Variants in SEC63 observed in about 807,000 individuals in gnomAD.
SEC63 encodes SEC63 protein translocation regulator, also known as translocation protein SEC63 homolog.
Under a neutral mutation model 116.2 loss-of-function variants are expected in SEC63, and 56 were observed. The ratio of observed to expected loss-of-function variants is 0.48; its 90% CI spans 0.39 to 0.60. The LOEUF is 0.60. SEC63 is among the 20% of genes least tolerant of loss of function. The probability of loss-of-function intolerance (pLI) is 0.00; values close to 1 mark genes in which losing one functional copy is unlikely to be tolerated. For missense variants in SEC63, 668 were observed against 900.0 expected, an observed-to-expected ratio of 0.74 and a Z score of 3.30; for synonymous variants, 273 against 294.6, an observed-to-expected ratio of 0.93 and a Z score of 0.75.
intron 8 of SEC63, 81 bp from the exon 9 acceptor site, chr6:107,906,858 A>C (rs1787159818): frequency 1.1e-5 from 11 of 1,034,342 alleles, no homozygotes; most frequent in Non-Finnish European, 1.7e-5. Context: ...AATTCACTTG[A>C]AAGTGAAGCA....
At chr6:107,926,797 C>G (rs1245047578) in intron 2 of SEC63, among the ~76,000 whole-genome samples, 1 of 152,020 alleles carries the variant, frequency 6.6e-6, no homozygotes, top group Admixed American at 6.6e-5. Context: ...ATATGCTAAA[C>G]CGTATGTTTT....
intron 1 of SEC63, chr6:107,931,912 T>C (rs1787820507): frequency 6.6e-6 from 1 of 152,574 alleles, no homozygotes; most frequent in Non-Finnish European, 1.5e-5. Flanking sequence ...CCACACAAAA[T>C]AAGACTTGCC....
At chr6:107,933,745 T>C (rs1263872390) in intron 1 of SEC63, among the ~76,000 whole-genome samples, 1 of 140,896 alleles carries the variant, frequency 7.1e-6, no homozygotes, top group Non-Finnish European at 1.5e-5. Context: ...TCTCCCTCTC[T>C]TTCCACGGTC....
rs1230729520 is a variant in SEC63 at position 107,869,949 on chromosome 6, A to G, written c.*1755T>C. 1 of 151,984 alleles carries G rather than the reference A, an allele frequency of 6.6e-6. No homozygotes were observed. Among genetic ancestry groups the G allele is most frequent in the African/African-American group, 2.4e-5 (1 of 41,374 alleles). 9.4% of individuals were successfully genotyped at this position (151,984 alleles called of 1,614,324 possible). A position where few individuals can be genotyped will look rare whatever the true frequency, so the allele number is the denominator to read the frequency against. ...TGAAATCTTTCAAGAAAACTAGGAA[A>G]TATGCATTCTACACATTGTTCTGTC... is the stretch of plus-strand genomic sequence containing the variant. On this transcript the variant is annotated 3_prime_UTR_variant, in exon 21 of 21. Transcript: ENST00000369002.
chr6:107,883,837 C>T (rs1297147902), intron 16 of SEC63, among the ~76,000 whole-genome samples: 1 of 151,544 alleles, frequency 6.6e-6, no homozygotes, highest in African/African-American at 2.4e-5. Flanking sequence ...AAAAGTACTC[C>T]TTTGGAAGTA....
rs746209701 is a variant in SEC63, at chr6:107,893,881, TC to T, written c.1456del (p.Glu486SerfsTer47). On this transcript the variant is annotated frameshift_variant, in exon 15 of 21. Transcript: ENST00000369002. LOFTEE classifies it high-confidence loss of function. Reference sequence around the variant, plus strand: ...TTCCTCTGCAGCACAGATGGACTGCTCCTTTTCAAATACTTCCTGGGGGGCG... The same window carrying T: ...TTCCTCTGCAGCACAGATGGACTGCTCTTTTCAAATACTTCCTGGGGGGCG... ...RQTMAEVFEK[E>X]QSICAAEEQP... 1 of 1,614,142 alleles carries T rather than the reference TC, an allele frequency of 6.2e-7. No individual in the cohort carries two copies. Among genetic ancestry groups the T allele is most frequent in the Non-Finnish European group, 8.5e-7 (1 of 1,180,010 alleles).
chr6:107,925,752 C>CA (rs965727932), intron 2 of SEC63, among the ~76,000 whole-genome samples: 10 of 152,166 alleles, frequency 6.6e-5, no homozygotes, highest in Non-Finnish European at 1.3e-4. Flanking sequence ...CATTTCACTT[C>CA]AAATAATTTG....
intron 1 of SEC63, among the ~76,000 whole-genome samples, chr6:107,939,823 A>C (rs1189586803): frequency 6.6e-6 from 1 of 152,240 alleles, no homozygotes; most frequent in African/African-American, 2.4e-5. Context: ...TGTTTGCCAG[A>C]ATGTTTCAGA....
chr6:107,952,444 A>C (rs916686209), intron 1 of SEC63, among the ~76,000 whole-genome samples: 2 of 152,162 alleles, frequency 1.3e-5, no homozygotes, highest in African/African-American at 4.8e-5. Flanking sequence ...AAAACACACA[A>C]AAAAAAACCT....
intron 1 of SEC63, among the ~76,000 whole-genome samples, chr6:107,942,972 G>C (rs1485047566): frequency 3.3e-5 from 5 of 152,132 alleles, no homozygotes; most frequent in Non-Finnish European, 7.3e-5. Flanking sequence ...GGAGCACTTA[G>C]AGCATCACTA....
chr6:107,944,279 T>TGGAGG (rs1055891490), intron 1 of SEC63, among the ~76,000 whole-genome samples: 30 of 152,114 alleles, frequency 2.0e-4, no homozygotes, highest in African/African-American at 7.0e-4. Context: ...TCAAGAAGGT[T>TGGAGG]GGAGGGGAGG....
At chr6:107,910,879 TCTGA>T (rs770776150) in intron 7 of SEC63, among the ~76,000 whole-genome samples, 2 of 151,826 alleles carry the variant, frequency 1.3e-5, no homozygotes, top group Non-Finnish European at 2.9e-5. Context: ...AACCAGCATG[TCTGA>T]CTAATTTTGT....
In SEC63 at chr6:107,906,580, G is replaced by C. The variant is rs765218798; in HGVS notation, c.829C>G (p.Leu277Val). The C allele has an allele frequency of 1.9e-6, 3 of 1,611,698 alleles. No individual in the cohort carries two copies. The highest frequency in any genetic ancestry group is 2.5e-6 in the Non-Finnish European group (3 of 1,178,164). ...TTAATGCTGCCAATTTCTCTGATTA[G>C]CTAGAATAAATAAAATAATTATTCA... ...RPTDNILIPQLIREIGSINLK... is the reference protein window; with the variant it reads ...RPTDNILIPQVIREIGSINLK... Residue 277 changes from leucine to valine, a missense_variant and splice_region_variant, in exon 10 of 21, where the codon CTA (leucine) becomes GTA (valine). Around this residue, in one of 5 missense-constraint regions of SEC63, gnomAD observed 430 missense variants for 557.5 expected, o/e 0.77. Coordinates refer to ENST00000369002, the MANE Select transcript of SEC63 (RefSeq NM_007214.5).
At position 107,930,173 on chromosome 6, in the gene SEC63, C is replaced by CTTTTTTTTTTTTTTTT. The variant is rs1206634310; in HGVS notation, c.125-675_125-660dup. Reference sequence around the variant, plus strand: ...ATGACACGCAAATTTGCAAAGTATTCTTTTTTTTTTTTTTTTTTTTTTTTG... The same window carrying CTTTTTTTTTTTTTTTT: ...ATGACACGCAAATTTGCAAAGTATTCTTTTTTTTTTTTTTTTTTTTTTTTTTTTTTTTTTTTTTTTG... On this transcript the variant is annotated intron_variant, in intron 1 of 20. Coordinates refer to ENST00000369002, the MANE Select transcript of SEC63 (RefSeq NM_007214.5). The CTTTTTTTTTTTTTTTT allele has an allele frequency of 2.2e-5, 2 of 89,292 alleles. 1 individual carries two copies. Among genetic ancestry groups the CTTTTTTTTTTTTTTTT allele is most frequent in the African/African-American group, 8.9e-5 (2 of 22,552 alleles). 5.5% of individuals were successfully genotyped at this position (89,292 alleles called of 1,614,324 possible).
At position 107,949,724 on chromosome 6, in the gene SEC63, G is replaced by A. The variant is rs143491197; in HGVS notation, c.124+8162C>T. ...AGCTCACTGCAGCCTCGATCTCCTG[G>A]GCTCAAGTGATCCTCCTGCTTCAGC... On this transcript the variant is annotated intron_variant, in intron 1 of 20. Transcript: ENST00000369002. Among the ~76,000 whole-genome samples the A allele has an allele frequency of 4.1e-3, 619 of 152,238 alleles. 4 individuals are homozygous for A. Among genetic ancestry groups the A allele is most frequent in the African/African-American group, 0.014 (580 of 41,532 alleles).
At chr6:107,931,210 C>T (rs562922822) in intron 1 of SEC63, among the ~76,000 whole-genome samples, 5 of 150,938 alleles carry the variant, frequency 3.3e-5, no homozygotes, top group South Asian at 2.1e-4. Context: ...GGTGTGGTGG[C>T]GCGTGCCTGT....
rs539789959 is a variant in SEC63, at chr6:107,935,210, A to G, written c.125-5696T>C. Reference sequence around the variant, plus strand: ...GCCCGGCCAGCCGCCCGTCTGGGAGATGAGGGGCGCCTCTGCCCGGCCGCC... The same window carrying G: ...GCCCGGCCAGCCGCCCGTCTGGGAGGTGAGGGGCGCCTCTGCCCGGCCGCC... On this transcript the variant is annotated intron_variant, in intron 1 of 20. Coordinates refer to ENST00000369002, the MANE Select transcript of SEC63 (RefSeq NM_007214.5). Among the ~76,000 whole-genome samples, 1,268 of 143,774 alleles carry G rather than the reference A, an allele frequency of 8.8e-3. 26 individuals carry two copies. The highest frequency in any genetic ancestry group is 0.025 in the African/African-American group (979 of 38,626). The allele number at this position is 143,774 out of a possible 152,430, so 94.3% of individuals were successfully genotyped here.
At chr6:107,889,368 T>C (rs1786617494) in intron 16 of SEC63, among the ~76,000 whole-genome samples, 1 of 152,190 alleles carries the variant, frequency 6.6e-6, no homozygotes, top group Non-Finnish European at 1.5e-5. Context: ...GATTTTCTAG[T>C]TTATTTATGT....
rs537045287 is a variant in SEC63, at chr6:107,923,175, GCT to G, written c.340-1268_340-1267del. Among the ~76,000 whole-genome samples the G allele has an allele frequency of 2.5e-3, 374 of 151,794 alleles. 2 individuals carry two copies. Among genetic ancestry groups the G allele is most frequent in the African/African-American group, 7.3e-3 (303 of 41,408 alleles). Reference sequence around the variant, plus strand: ...AAGATTTTTTTTTTGAGACAGTCTTGCTCTGTCGCCCAGGCTGGAGTGCAGTG... The same window carrying G: ...AAGATTTTTTTTTTGAGACAGTCTTGCTGTCGCCCAGGCTGGAGTGCAGTG... On this transcript the variant is annotated intron_variant, in intron 3 of 20. Transcript: ENST00000369002.
Sources: gnomAD v4.1 joint callset for allele counts (sites outside exome capture counted in the v4.1 genomes callset) on GRCh38, gnomAD v4.1.1 for gene constraint, gnomAD v4.1.1 regional missense constraint, MANE v1.5 for transcripts, NCBI Gene and HGNC (gene_info 2026-07-23, HGNC 2026-07-21) for gene names.